Variants in ATP13A4 observed in about 807,000 individuals in gnomAD.
The protein encoded by ATP13A4 is probable cation-transporting ATPase 13A4.
In ATP13A4, 114 loss-of-function variants were observed where a neutral mutation model predicts 142.5. That is an observed-to-expected ratio of 0.80 (90% CI 0.69 to 0.93). The LOEUF (loss-of-function observed/expected upper bound fraction) is 0.93, where lower values mean the gene tolerates loss of function less well. ATP13A4 is among the 40% of genes least tolerant of loss of function. ATP13A4 has a pLI of 0.00. For synonymous variants in ATP13A4, 488 were observed against 514.8 expected (o/e 0.95, Z 0.70); for missense variants, 1,392 against 1,454.0 (o/e 0.96, Z 0.69).
chr3:193,416,269 A>C (rs1180076028), intron 25 of ATP13A4, among the ~76,000 whole-genome samples: 1 of 152,208 alleles, frequency 6.6e-6, no homozygotes, highest in South Asian at 2.1e-4. Context: ...AAAATAGGAG[A>C]AGAATCTAAT....
intron 26 of ATP13A4, 22 bp downstream of exon 26, chr3:193,414,557 G>A: frequency 6.2e-7 from 1 of 1,611,864 alleles, no homozygotes; most frequent in Non-Finnish European, 8.5e-7. Flanking sequence ...GTGAGAAGCA[G>A]AAGCTGAGAC....
chr3:193,504,240 G>C (rs879904117), intron 2 of ATP13A4, among the ~76,000 whole-genome samples: 1 of 152,034 alleles, frequency 6.6e-6, no homozygotes, highest in Non-Finnish European at 1.5e-5. Context: ...TGGTGGAAGG[G>C]AGCTAAATTT....
chr3:193,451,261 C>G (rs1560196017), intron 17 of ATP13A4, among the ~76,000 whole-genome samples: 1 of 152,180 alleles, frequency 6.6e-6, no homozygotes. Context: ...TGACCTGAGC[C>G]AACCACAAAG....
chr3:193,407,552 C>T (rs1714567958), intron 28 of ATP13A4, among the ~76,000 whole-genome samples, 159 bp from the exon 29 acceptor site: 1 of 151,906 alleles, frequency 6.6e-6, no homozygotes. Flanking sequence ...AATTTCTATG[C>T]TTGTATGCAC....
At chr3:193,458,069 T>C (rs1717741867) in intron 14 of ATP13A4, among the ~76,000 whole-genome samples, 1 of 152,204 alleles carries the variant, frequency 6.6e-6, no homozygotes, top group Admixed American at 6.5e-5. Flanking sequence ...TTTAAAGATA[T>C]GGAATCAGTA....
intron 2 of ATP13A4, among the ~76,000 whole-genome samples, chr3:193,568,710 A>G (rs984063591): frequency 1.3e-5 from 2 of 152,234 alleles, no homozygotes; most frequent in African/African-American, 4.8e-5. Context: ...GGACACAAAT[A>G]TACAAGATGA....
chr3:193,487,738 C>T (rs6780263), intron 7 of ATP13A4, among the ~76,000 whole-genome samples: 25,097 of 152,082 alleles, frequency 0.17, 2,797 homozygotes, highest in East Asian at 0.32. Flanking sequence ...TATAAGCATA[C>T]ATACTTGTTA....
chr3:193,520,369 G>A (rs1721653445), intron 1 of ATP13A4, among the ~76,000 whole-genome samples: 1 of 152,198 alleles, frequency 6.6e-6, no homozygotes, highest in Non-Finnish European at 1.5e-5. Context: ...TGTGCCTTTG[G>A]TCATTAGGAA....
intron 2 of ATP13A4, among the ~76,000 whole-genome samples, chr3:193,509,895 C>A (rs553791219): frequency 6.6e-6 from 1 of 152,194 alleles, no homozygotes; most frequent in Non-Finnish European, 1.5e-5. Context: ...CAAGGATTTC[C>A]ATCTGTTTTG....
In ATP13A4 at chr3:193,545,034, C is replaced by A. The variant is rs888998765; in HGVS notation, c.60+9706G>T. ...TAATATATGCACACATTTTTCAATT[C>A]ATCTCATCAGAAATATATCAAATAA... On this transcript the variant is annotated intron_variant, in intron 1 of 29. Transcript: ENST00000342695. Among the ~76,000 whole-genome samples the A allele has an allele frequency of 2.6e-5, 4 of 152,224 alleles. No homozygotes were observed. In the South Asian group the frequency reaches 6.2e-4, roughly 24 times the overall value.
intron 17 of ATP13A4, among the ~76,000 whole-genome samples, chr3:193,452,300 T>C (rs1717325116): frequency 6.6e-6 from 1 of 152,130 alleles, no homozygotes; most frequent in African/African-American, 2.4e-5. Context: ...TGATATCCAA[T>C]CTCAAAGTTT....
Position 193,562,989 on chromosome 3 carries a change from T to C in ATP13A4, n.291+18718A>G, listed in dbSNP as rs192294935. Among the ~76,000 whole-genome samples, 381 of 152,338 alleles carry C rather than the reference T, an allele frequency of 2.5e-3. 1 individual carries two copies. The highest frequency in any genetic ancestry group is 8.6e-3 in the African/African-American group (357 of 41,572). Reference sequence around the variant, plus strand: ...ATCCTAAGCTTCAATGTTTTCATCTTTGAAATGAGATATAATCCCGTTACT... The same window carrying C: ...ATCCTAAGCTTCAATGTTTTCATCTCTGAAATGAGATATAATCCCGTTACT... On this transcript the variant is annotated intron_variant and non_coding_transcript_variant, in intron 2 of 3. Transcript: ENST00000489140.
intron 2 of ATP13A4, among the ~76,000 whole-genome samples, chr3:193,507,463 T>C (rs1425547115): frequency 2.0e-5 from 3 of 152,140 alleles, no homozygotes; most frequent in East Asian, 1.9e-4. Flanking sequence ...AGTTATAATA[T>C]ACATAAAGTT....
chr3:193,403,543 T>G (rs552617158), intron 29 of ATP13A4, among the ~76,000 whole-genome samples: 17 of 152,362 alleles, frequency 1.1e-4, no homozygotes, highest in African/African-American at 4.1e-4. Context: ...TTGGAACTAC[T>G]CATTTAACAA....
chr3:193,450,262 C>T (rs1717201068), intron 17 of ATP13A4, among the ~76,000 whole-genome samples: 1 of 152,144 alleles, frequency 6.6e-6, no homozygotes, highest in Admixed American at 6.5e-5. Context: ...GGGAACAATC[C>T]CACCTGATTC....
intron 1 of ATP13A4, among the ~76,000 whole-genome samples, chr3:193,551,281 C>T (rs1324718540): frequency 1.3e-5 from 2 of 152,114 alleles, no homozygotes; most frequent in Non-Finnish European, 1.5e-5. Flanking sequence ...GGCATGGTGG[C>T]ATGCAGCTGT....
chr3:193,581,047 C>T (rs1392402616), intron 2 of ATP13A4, among the ~76,000 whole-genome samples: 1 of 152,170 alleles, frequency 6.6e-6, no homozygotes, highest in Non-Finnish European at 1.5e-5. Context: ...AAGTTGCTCA[C>T]ATCGTTAACC....
At chr3:193,456,823 TGGGAAATAC>T (rs1318115932) in intron 16 of ATP13A4, among the ~76,000 whole-genome samples, 168 bp downstream of exon 16, 1 of 152,038 alleles carries the variant, frequency 6.6e-6, no homozygotes, top group Non-Finnish European at 1.5e-5. Context: ...AATAGGAAAC[TGGGAAATAC>T]AGGAAATGAG....
Position 193,587,259 on chromosome 3 carries a change from A to T in ATP13A4, n.92-5353T>A, listed in dbSNP as rs183689668. On this transcript the variant is annotated intron_variant and non_coding_transcript_variant, in intron 1 of 3. Coordinates refer to the ATP13A4 transcript ENST00000489140. ...ATCACTGGGCTAAAATCAAGGTGCT[A>T]GCAGGGCTGCATTCCTGCTGGAGGC... Among the ~76,000 whole-genome samples the T allele has an allele frequency of 1.8e-4, 27 of 152,376 alleles. No homozygotes were observed. In the East Asian group the frequency reaches 5.0e-3, roughly 28 times the overall value.
Sources: gnomAD v4.1 joint callset for allele counts (sites outside exome capture counted in the v4.1 genomes callset) on GRCh38, gnomAD v4.1.1 for gene constraint, MANE v1.5 for transcripts, NCBI Gene and HGNC (gene_info 2026-07-23, HGNC 2026-07-21) for gene names.